NOL4L: variants seen among roughly 807,000 people sequenced by gnomAD.
NOL4L encodes nucleolar protein 4 like.
A neutral mutation model predicts 64.5 loss-of-function variants in NOL4L; 7 were observed. The ratio of observed to expected loss-of-function variants is 0.11; its 90% CI spans 0.06 to 0.20. The LOEUF is 0.20. NOL4L is among the 10% of genes least tolerant of loss of function. NOL4L has a pLI of 1.00. For missense variants in NOL4L, 680 were observed against 967.1 expected, an observed-to-expected ratio of 0.70 and a Z score of 3.94; for synonymous variants, 413 against 401.0, an observed-to-expected ratio of 1.03 and a Z score of -0.36.
chr20:32,526,695 G>A (rs2018145991), intron 2 of NOL4L, among the ~76,000 whole-genome samples: 1 of 152,204 alleles, frequency 6.6e-6, no homozygotes. Flanking sequence ...GACACTGGCT[G>A]ACTGCAACTC....
rs983666764 is a variant in NOL4L, at chr20:32,517,825, C to T, written c.589+2986G>A. ...CAGGTGCCCTCCACAATAGGCTCAC[C>T]CTCACCACCCTGAAAGGATGGCATT... On this transcript the variant is annotated intron_variant, in intron 3 of 10. Transcript: ENST00000621426. 6.6e-5 allele frequency among the ~76,000 whole-genome samples: 10 copies of T among 152,218 alleles called. No individual in the cohort carries two copies. In the East Asian group the frequency reaches 1.9e-3, roughly 29 times the overall value.
rs956187706 is a variant in NOL4L, at chr20:32,443,059, T to C, written c.*4537A>G. On this transcript the variant is annotated 3_prime_UTR_variant, in exon 11 of 11. Transcript: ENST00000621426. ...GATAGGACACAGTGGAAGCAGAGCA[T>C]TCGGTTTGTTGTTCAGTGTTTATTA... 1 of 152,118 alleles carries C rather than the reference T, an allele frequency of 6.6e-6. No individual in the cohort carries two copies. The highest frequency in any genetic ancestry group is 1.5e-5 in the Non-Finnish European group (1 of 68,002). 9.4% of individuals were successfully genotyped at this position (152,118 alleles called of 1,614,324 possible).
At chr20:32,549,156 T>C (rs182097716) in intron 1 of NOL4L, among the ~76,000 whole-genome samples, 1 of 152,210 alleles carries the variant, frequency 6.6e-6, no homozygotes, top group African/African-American at 2.4e-5. Context: ...ATGGACACCA[T>C]CAAGAAAGCA....
rs2013105883 is a variant in NOL4L, at chr20:32,453,126, A to G, written c.1498-120T>C. 4.1e-6 allele frequency: 6 copies of G among 1,462,266 alleles called. No individual in the cohort carries two copies. Among genetic ancestry groups the G allele is most frequent in the South Asian group, 1.2e-5 (1 of 80,926 alleles). 90.6% of individuals were successfully genotyped at this position (1,462,266 alleles called of 1,614,324 possible). On this transcript the variant is annotated intron_variant, in intron 8 of 10. Transcript: ENST00000621426. The surrounding 1 kb of genome is among the most constrained non-coding windows in gnomAD (Gnocchi z 5.6). ...GGTTTGGGCTCCAGCGCCTCAGTCT[A>G]TGGAGCTGTGTGATCTTTCTGGGCC...
At chr20:32,550,394 G>A (rs755084240) in intron 1 of NOL4L, among the ~76,000 whole-genome samples, 30 of 152,136 alleles carry the variant, frequency 2.0e-4, no homozygotes, top group African/African-American at 6.5e-4. Context: ...CACTGCACCC[G>A]GCCAATATTT....
chr20:32,516,203 A>C (rs2017649248), intron 3 of NOL4L, among the ~76,000 whole-genome samples: 1 of 152,116 alleles, frequency 6.6e-6, no homozygotes, highest in Non-Finnish European at 1.5e-5. Flanking sequence ...CCTGGCACAG[A>C]GAGGCCGTGA....
At chr20:32,517,324 C>T (rs1395976010) in intron 3 of NOL4L, among the ~76,000 whole-genome samples, 3 of 152,238 alleles carry the variant, frequency 2.0e-5, no homozygotes. Flanking sequence ...ACTGGGTCTG[C>T]CTCTGGGGCT....
intron 3 of NOL4L, among the ~76,000 whole-genome samples, chr20:32,519,193 A>G (rs1266364332): frequency 2.6e-5 from 4 of 152,152 alleles, no homozygotes; most frequent in Non-Finnish European, 4.4e-5. Context: ...TCGTGCTTTG[A>G]AGTTGGCCCA....
Position 32,561,914 on chromosome 20 carries a change from G to C in NOL4L, c.321+22656C>G, listed in dbSNP as rs538042143. Among the ~76,000 whole-genome samples, 7 of 152,278 alleles carry C rather than the reference G, an allele frequency of 4.6e-5. 1 individual carries two copies. In the South Asian group the frequency reaches 1.5e-3, roughly 32 times the overall value. On this transcript the variant is annotated intron_variant, in intron 1 of 10. Coordinates refer to ENST00000621426, the MANE Select transcript of NOL4L (RefSeq NM_001256798.2). ...TGAGGTGGGAGGATCGCTTGAGCTT[G>C]GGAGGTTGAGGCTGCAATGAGCCGT...
chr20:32,503,159 T>G (rs990559437), intron 4 of NOL4L, among the ~76,000 whole-genome samples: 10 of 152,168 alleles, frequency 6.6e-5, no homozygotes, highest in African/African-American at 2.4e-4. Context: ...AGGACAGTAT[T>G]TCAGCTGCTT....
At chr20:32,454,036 C>T (rs1036436636) in intron 6 of NOL4L, 18 of 445,794 alleles carry the variant, frequency 4.0e-5, no homozygotes, top group Admixed American at 1.0e-4. Context: ...GGCTGCTGAG[C>T]GCTTAGGAGG....
intron 4 of NOL4L, among the ~76,000 whole-genome samples, chr20:32,504,983 T>C (rs867170613): frequency 3.3e-5 from 5 of 152,294 alleles, no homozygotes; most frequent in Middle Eastern, 3.4e-3. Context: ...CTGCTATTAC[T>C]CCTCTGAACT....
rs1230414804 is a variant in NOL4L at position 32,445,860 on chromosome 20, C to T, written c.*1736G>A. The T allele has an allele frequency of 6.7e-6, 1 of 149,180 alleles. No homozygotes were observed. The highest frequency in any genetic ancestry group is 1.5e-5 in the Non-Finnish European group (1 of 68,064). 9.2% of individuals were successfully genotyped at this position (149,180 alleles called of 1,614,324 possible). ...TGGACCTGAGGCAGGATGGGGCATC[C>T]TCACTGGTGCCCCCCCCATCCCTCC... On this transcript the variant is annotated 3_prime_UTR_variant, in exon 11 of 11. Transcript: ENST00000621426.
chr20:32,565,347 T>A (rs1279637341), intron 1 of NOL4L, among the ~76,000 whole-genome samples: 2 of 152,188 alleles, frequency 1.3e-5, no homozygotes, highest in Admixed American at 1.3e-4. Context: ...GGCCTTTCAA[T>A]ATCCTTACAA....
chr20:32,459,460 T>C (rs1394270429), intron 5 of NOL4L, among the ~76,000 whole-genome samples: 1 of 151,150 alleles, frequency 6.6e-6, no homozygotes, highest in Non-Finnish European at 1.5e-5. Context: ...CTTGGCTTAC[T>C]GCAACCTCCA....
chr20:32,569,275 G>T (rs1229899724), intron 1 of NOL4L, among the ~76,000 whole-genome samples: 1 of 152,188 alleles, frequency 6.6e-6, no homozygotes, highest in South Asian at 2.1e-4. Flanking sequence ...AGTGAGCAGG[G>T]GCCAAGGAAC....
At position 32,485,797 on chromosome 20, in the gene NOL4L, C is replaced by G. The variant is rs1429627335; in HGVS notation, c.700-11055G>C. 4.5e-5 allele frequency: 21 copies of G among 469,884 alleles called. No individual in the cohort carries two copies. In the Admixed American group the frequency reaches 4.7e-4, roughly 11 times the overall value. 29.1% of individuals were successfully genotyped at this position (469,884 alleles called of 1,614,324 possible). ...TGAGATAATTCAGACTCAGGATTTC[C>G]CTTTCCCCACCACATTTTCAGAGAC... On this transcript the variant is annotated intron_variant, in intron 4 of 10. Transcript: ENST00000621426.
intron 4 of NOL4L, among the ~76,000 whole-genome samples, chr20:32,480,219 A>C (rs1334671952): frequency 6.6e-6 from 1 of 152,166 alleles, no homozygotes; most frequent in Non-Finnish European, 1.5e-5. Context: ...GGTATTTTCC[A>C]GACCCTTCCT....
At chr20:32,569,763 G>A (rs1979646637) in intron 1 of NOL4L, among the ~76,000 whole-genome samples, 2 of 152,156 alleles carry the variant, frequency 1.3e-5, no homozygotes, top group East Asian at 3.9e-4. Context: ...CTCTGAGAGG[G>A]CAGAGATCAA....
Sources: allele counts gnomAD v4.1 joint callset (sites outside exome capture counted in the v4.1 genomes callset), GRCh38; gene constraint gnomAD v4.1.1; non-coding constraint Gnocchi (gnomAD v3.1); transcripts MANE v1.5; gene names NCBI Gene and HGNC (gene_info 2026-07-23, HGNC 2026-07-21).